The following HGSNAT variants were observed in gnomAD, a reference collection of about 807,000 sequenced individuals.
The protein encoded by HGSNAT is heparan-alpha-glucosaminide N-acetyltransferase, also known as transmembrane protein 76.
In HGSNAT, 59 loss-of-function variants were observed where a neutral mutation model predicts 85.2. That is an observed-to-expected ratio of 0.69 (90% CI 0.56 to 0.86). HGSNAT has a LOEUF of 0.86. Ranked by LOEUF, HGSNAT falls within the 40% of genes least tolerant of loss-of-function variation. The probability of loss-of-function intolerance (pLI) is 0.00; values close to 1 mark genes in which losing one functional copy is unlikely to be tolerated. For missense variants in HGSNAT, 756 were observed against 777.1 expected (o/e 0.97, Z 0.32); for synonymous variants, 321 against 304.5 (o/e 1.05, Z -0.56).
Position 43,199,568 on chromosome 8 carries a change from G to A in HGSNAT, c.1907G>A (p.Ter636=), listed in dbSNP as rs1804852687. The A allele has an allele frequency of 6.5e-7, 1 of 1,537,880 alleles. No individual in the cohort carries two copies. The highest frequency in any genetic ancestry group is 1.4e-5 in the African/African-American group (1 of 72,464). Reference sequence around the variant, plus strand: ...AGAAAGAAGATTTTTTGGAAAATCTGATGGCTCCCACTGAGATGTGCTGCT... The same window carrying A: ...AGAAAGAAGATTTTTTGGAAAATCTAATGGCTCCCACTGAGATGTGCTGCT... ...LYRKKIFWKI[*] The change falls in exon 18 of 18, where the codon TGA becomes TAA. Residue 636 remains the stop codon, a stop_retained_variant. Coordinates refer to ENST00000379644, the MANE Select transcript of HGSNAT (RefSeq NM_152419.3).
intron 5 of HGSNAT, among the ~76,000 whole-genome samples, chr8:43,163,487 T>A (rs1046648349): frequency 6.6e-6 from 1 of 152,114 alleles, no homozygotes; most frequent in African/African-American, 2.4e-5. Flanking sequence ...TATTTTTGTT[T>A]TATTTTTAGA....
At chr8:43,140,688 C>T in intron 1 of HGSNAT, 74 bp downstream of exon 1, 1 of 716,996 alleles carries the variant, frequency 1.4e-6, no homozygotes. Context: ...CCGCCCCTAT[C>T]TCCGTGCGCG....
At chr8:43,189,729 C>T (rs959321746) in intron 11 of HGSNAT, among the ~76,000 whole-genome samples, 10 of 152,144 alleles carry the variant, frequency 6.6e-5, no homozygotes, top group Admixed American at 1.3e-4. Flanking sequence ...TGTTCCTATT[C>T]GGCCATCTTG....
At chr8:43,147,119 C>A in intron 2 of HGSNAT, 56 bp downstream of exon 2, 1 of 973,170 alleles carries the variant, frequency 1.0e-6, no homozygotes, top group Non-Finnish European at 1.6e-6. Flanking sequence ...TGATATGATC[C>A]TTAATGCTCT....
intron 17 of HGSNAT, 101 bp from the exon 18 acceptor site, chr8:43,199,287 A>G (rs1804839358): frequency 2.5e-6 from 2 of 807,618 alleles, no homozygotes; most frequent in Non-Finnish European, 3.9e-6. Context: ...GGAAGTGCAC[A>G]CTTTCTGTTT....
At chr8:43,178,464 A>G (rs928143317) in intron 10 of HGSNAT, among the ~76,000 whole-genome samples, 2 of 152,060 alleles carry the variant, frequency 1.3e-5, no homozygotes, top group African/African-American at 4.8e-5. Context: ...TGCAGAGGAA[A>G]AGTCTGAGGC....
intron 2 of HGSNAT, among the ~76,000 whole-genome samples, chr8:43,148,292 T>C (rs1802778777): frequency 6.6e-6 from 1 of 151,884 alleles, no homozygotes; most frequent in Non-Finnish European, 1.5e-5. Flanking sequence ...AGCTTCGTTA[T>C]ACCTACCATC....
intron 13 of HGSNAT, 95 bp from the exon 14 acceptor site, chr8:43,193,662 C>G (rs1388650248): frequency 1.3e-6 from 1 of 754,974 alleles, no homozygotes; most frequent in African/African-American, 1.8e-5. Context: ...CCATGACATA[C>G]TGGAGTGTAT....
intron 4 of HGSNAT, among the ~76,000 whole-genome samples, chr8:43,159,816 C>A (rs1386779541): frequency 1.3e-5 from 2 of 152,134 alleles, no homozygotes; most frequent in Non-Finnish European, 2.9e-5. Flanking sequence ...TATCTAATAA[C>A]CCCACTGAAG....
chr8:43,194,249 A>G (rs1804635538), intron 14 of HGSNAT: 3 of 535,328 alleles, frequency 5.6e-6, no homozygotes, highest in African/African-American at 2.1e-5. Context: ...AATTAAAAAT[A>G]TTAGCCAGGC....
At position 43,147,003 on chromosome 8, in the gene HGSNAT, C is replaced by G. The variant is rs749911696; in HGVS notation, c.174C>G (p.Ile58Met). Residue 58 changes from isoleucine to methionine, a missense_variant, in exon 2 of 18, where the codon ATC becomes ATG. Coordinates refer to ENST00000379644, the MANE Select transcript of HGSNAT (RefSeq NM_152419.3). The stretch of plus-strand genomic sequence containing the variant: ...AGATGGATCAGGCTTTGCTACTCAT[C>G]CATAATGAACTTCTCTGGACCAACT... The part of the protein sequence containing the change: ...ELKMDQALLL[I>M]HNELLWTNLT... 1 of 1,610,684 alleles carries G rather than the reference C, an allele frequency of 6.2e-7. No homozygotes were observed. Among genetic ancestry groups the G allele is most frequent in the Non-Finnish European group, 8.5e-7 (1 of 1,179,014 alleles).
chr8:43,141,191 C>G (rs963313702), intron 1 of HGSNAT, among the ~76,000 whole-genome samples: 3 of 152,154 alleles, frequency 2.0e-5, no homozygotes, highest in African/African-American at 7.2e-5. Flanking sequence ...GGTGAGGAAC[C>G]GCGGAGAAGG....
In HGSNAT at chr8:43,182,113, C is replaced by A. The variant is rs772161882; in HGVS notation, c.1013-32C>A. On this transcript the variant is annotated intron_variant, in intron 10 of 17. Coordinates refer to ENST00000379644, the MANE Select transcript of HGSNAT (RefSeq NM_152419.3). ...CCTGGGATGAGAGGAGAAGTCCTGG[C>A]TAACACTTGACCTAACTTGTGTCTT... is the stretch of plus-strand genomic sequence containing the variant. The A allele has an allele frequency of 9.1e-6, 14 of 1,535,792 alleles. 1 individual carries two copies. The Middle Eastern group carries it at 8.8e-4, about 97-fold the overall frequency.
chr8:43,140,835 GT>G (rs1802499316), intron 1 of HGSNAT, among the ~76,000 whole-genome samples: 1 of 152,054 alleles, frequency 6.6e-6, no homozygotes, highest in Non-Finnish European at 1.5e-5. Flanking sequence ...GGAGGGGGCG[GT>G]TCGGACCGCG....
At chr8:43,175,020 T>C (rs953316392) in intron 9 of HGSNAT, among the ~76,000 whole-genome samples, 2 of 152,268 alleles carry the variant, frequency 1.3e-5, no homozygotes, top group African/African-American at 4.8e-5. Context: ...TCACTTAACA[T>C]AATGTCCTCG....
At chr8:43,191,379 GAAATGAGTC>G (rs1444770448) in intron 11 of HGSNAT, 86 bp from the exon 12 acceptor site, 9 of 1,487,628 alleles carry the variant, frequency 6.0e-6, no homozygotes, top group Middle Eastern at 1.8e-4. Flanking sequence ...AAAAGGCCAA[GAAATGAGTC>G]ACCGGGAATT....
intron 2 of HGSNAT, among the ~76,000 whole-genome samples, chr8:43,151,408 C>T (rs1360573149): frequency 6.6e-6 from 1 of 152,186 alleles, no homozygotes; most frequent in Non-Finnish European, 1.5e-5. Context: ...TGTTTCGTGA[C>T]TGAGTGTCTG....
At chr8:43,170,348 C>T (rs997520897) in intron 6 of HGSNAT, among the ~76,000 whole-genome samples, 11 of 152,122 alleles carry the variant, frequency 7.2e-5, no homozygotes, top group South Asian at 2.1e-4. Flanking sequence ...GACGTGGTGG[C>T]GCATGCCTGT....
At chr8:43,150,472 C>G (rs1802869688) in intron 2 of HGSNAT, among the ~76,000 whole-genome samples, 2 of 151,502 alleles carry the variant, frequency 1.3e-5, no homozygotes, top group Non-Finnish European at 2.9e-5. Flanking sequence ...CAAAACAAAA[C>G]AAAACAAAAA....
Sources: gnomAD v4.1 joint callset for allele counts (sites outside exome capture counted in the v4.1 genomes callset) on GRCh38, gnomAD v4.1.1 for gene constraint, MANE v1.5 for transcripts, NCBI Gene and HGNC (gene_info 2026-07-23, HGNC 2026-07-21) for gene names.